The following IGSF11 variants were observed in gnomAD, a reference collection of about 807,000 sequenced individuals.
The protein encoded by IGSF11 is CXADR like 1.
IGSF11 carries 22 observed loss-of-function variants against 41.0 expected under a neutral mutation model. That is an observed-to-expected ratio of 0.54 (90% confidence interval 0.38 to 0.77). The LOEUF is 0.77. Among genes scored for constraint, IGSF11 ranks in the 30% least tolerant of loss-of-function variants. The pLI is 0.00. For missense variants in IGSF11, 444 were observed against 530.8 expected (o/e 0.84, Z 1.61); for synonymous variants, 219 against 201.3 (o/e 1.09, Z -0.74).
At chr3:119,065,809 A>G (rs1942215265) in intron 1 of IGSF11, among the ~76,000 whole-genome samples, 1 of 151,588 alleles carries the variant, frequency 6.6e-6, no homozygotes, top group Non-Finnish European at 1.5e-5. Context: ...AAAAAAAAAA[A>G]AAAAAGCAAG....
At chr3:118,992,941 C>A (rs1228818516) in intron 1 of IGSF11, among the ~76,000 whole-genome samples, 1 of 152,082 alleles carries the variant, frequency 6.6e-6, no homozygotes, top group East Asian at 1.9e-4. Context: ...AACAAAAATA[C>A]AAATAAAGGT....
chr3:118,905,244 C>G (rs540989159), intron 5 of IGSF11, among the ~76,000 whole-genome samples: 1 of 151,998 alleles, frequency 6.6e-6, no homozygotes, highest in Non-Finnish European at 1.5e-5. Flanking sequence ...AACCTAGACA[C>G]CCCAAAATTT....
intron 1 of IGSF11, among the ~76,000 whole-genome samples, chr3:118,996,597 TTTTTTG>T (rs369088270): frequency 4.1e-4 from 63 of 152,158 alleles, no homozygotes; most frequent in East Asian, 3.1e-3. Flanking sequence ...GTCTTGTTTT[TTTTTTG>T]TTTTTGTTTT....
intron 1 of IGSF11, among the ~76,000 whole-genome samples, chr3:119,080,174 C>A (rs566412078): frequency 8.5e-5 from 13 of 152,194 alleles, no homozygotes; most frequent in African/African-American, 3.1e-4. Context: ...ACATATGACT[C>A]TCTAAACTGC....
chr3:119,046,118 C>A (rs1226800300), intron 1 of IGSF11, among the ~76,000 whole-genome samples: 1 of 151,164 alleles, frequency 6.6e-6, no homozygotes, highest in African/African-American at 2.4e-5. Flanking sequence ...CAGCTCCTCA[C>A]CAGCAACGGA....
chr3:119,003,662 T>A (rs1299815121), intron 1 of IGSF11, among the ~76,000 whole-genome samples: 1 of 152,014 alleles, frequency 6.6e-6, no homozygotes, highest in African/African-American at 2.4e-5. Flanking sequence ...ATTGAGAGTT[T>A]TTAGCATGAA....
intron 4 of IGSF11, among the ~76,000 whole-genome samples, chr3:118,922,314 T>C (rs899876696): frequency 1.6e-4 from 25 of 152,272 alleles, no homozygotes; most frequent in African/African-American, 5.8e-4. Flanking sequence ...AAAAATTGTA[T>C]ATATTTATGG....
chr3:119,053,754 CA>C (rs1391322830), intron 1 of IGSF11, among the ~76,000 whole-genome samples: 1 of 151,610 alleles, frequency 6.6e-6, no homozygotes, highest in African/African-American at 2.4e-5. Context: ...TCACATTATC[CA>C]AGTTCAAACT....
At chr3:118,914,310 A>AAGAC (rs545781956) in intron 4 of IGSF11, among the ~76,000 whole-genome samples, 210 of 152,210 alleles carry the variant, frequency 1.4e-3, no homozygotes, top group African/African-American at 4.9e-3. Context: ...AGCGACGCAG[A>AAGAC]AGACGGGTGA....
intron 4 of IGSF11, among the ~76,000 whole-genome samples, chr3:118,917,841 T>C (rs1487119314): frequency 4.4e-4 from 66 of 149,192 alleles, no homozygotes; most frequent in African/African-American, 1.1e-3. Flanking sequence ...TGATGAACAT[T>C]GATGCAAAAA....
chr3:119,105,195 A>ATTT, exon 1 of IGSF11: 1 of 1,601,262 alleles, frequency 6.2e-7, no homozygotes, highest in South Asian at 1.1e-5. Flanking sequence ...AGAGACATTT[A>ATTT]TTCTTCTTGC....
At chr3:118,912,359 C>G (rs1940433318) in intron 4 of IGSF11, among the ~76,000 whole-genome samples, 1 of 152,142 alleles carries the variant, frequency 6.6e-6, no homozygotes, top group African/African-American at 2.4e-5. Flanking sequence ...GAGTGGGTGT[C>G]ATTCCAGGAA....
Position 119,034,833 on chromosome 3 carries a change from C to T in IGSF11, c.-251G>A. The T allele has an allele frequency of 8.0e-7, 1 of 1,246,820 alleles. No individual in the cohort carries two copies. Among genetic ancestry groups the T allele is most frequent in the Non-Finnish European group, 1.0e-6 (1 of 994,940 alleles). 77.2% of individuals were successfully genotyped at this position (1,246,820 alleles called of 1,614,324 possible). A position where few individuals can be genotyped will look rare whatever the true frequency, so the allele number is the denominator to read the frequency against. On this transcript the variant is annotated 5_prime_UTR_variant, in exon 1 of 7. Coordinates refer to ENST00000393775, the MANE Select transcript of IGSF11 (RefSeq NM_001015887.3). ...GGGCTCGCCAGCCGTGCCACCCAGC[C>T]CTGCCCCAGGACTAGCCGACCCCTC...
chr3:119,007,258 C>G (rs1011753570), intron 1 of IGSF11, among the ~76,000 whole-genome samples: 8 of 140,838 alleles, frequency 5.7e-5, no homozygotes, highest in Non-Finnish European at 9.0e-5. Context: ...TTCTTTGACT[C>G]GGAAAGAGAA....
At chr3:118,961,585 A>C (rs1945336863) in intron 1 of IGSF11, among the ~76,000 whole-genome samples, 1 of 152,218 alleles carries the variant, frequency 6.6e-6, no homozygotes, top group Non-Finnish European at 1.5e-5. Flanking sequence ...CTAAAAACAT[A>C]GGAGAAAAGG....
chr3:118,943,722 T>C (rs1249207785), intron 1 of IGSF11, among the ~76,000 whole-genome samples: 1 of 152,210 alleles, frequency 6.6e-6, no homozygotes, highest in Non-Finnish European at 1.5e-5. Context: ...TGCATGTCCT[T>C]ATCAGTCTGG....
chr3:119,109,462 T>C (rs1013363515), upstream of IGSF11, among the ~76,000 whole-genome samples: 3 of 152,224 alleles, frequency 2.0e-5, no homozygotes, highest in Admixed American at 6.5e-5. Context: ...TTATTGCGTC[T>C]ATTTGATTCT....
chr3:118,997,680 C>T (rs995510915), intron 1 of IGSF11, among the ~76,000 whole-genome samples: 1 of 152,080 alleles, frequency 6.6e-6, no homozygotes. Flanking sequence ...ACAACTATAC[C>T]AGGCAATTGC....
intron 1 of IGSF11, among the ~76,000 whole-genome samples, chr3:119,097,665 C>A (rs1180977173): frequency 6.6e-6 from 1 of 152,136 alleles, no homozygotes; most frequent in Non-Finnish European, 1.5e-5. Flanking sequence ...TGTTTTATTC[C>A]TCAAACTGTT....
Sources: allele counts gnomAD v4.1 joint callset (sites outside exome capture counted in the v4.1 genomes callset), GRCh38; gene constraint gnomAD v4.1.1; transcripts MANE v1.5; gene names NCBI Gene and HGNC (gene_info 2026-07-23, HGNC 2026-07-21).